The following ELF5 variants were observed in gnomAD, a reference collection of about 807,000 sequenced individuals.
ELF5 encodes the protein ETS-related transcription factor Elf-5.
ELF5 carries 31 observed loss-of-function variants against 38.2 expected under a neutral mutation model. The ratio of observed to expected loss-of-function variants is 0.81; its 90% CI spans 0.61 to 1.10. ELF5 has a LOEUF of 1.10. Among genes scored for constraint, ELF5 ranks in the 50% least tolerant of loss-of-function variants. The pLI is 0.00. For missense variants in ELF5, 300 were observed against 306.6 expected, an observed-to-expected ratio of 0.98 and a Z score of 0.16; for synonymous variants, 121 against 112.5, an observed-to-expected ratio of 1.08 and a Z score of -0.48.
chr11:34,504,455 T>A (rs1358259551), intron 2 of ELF5, among the ~76,000 whole-genome samples: 2 of 151,812 alleles, frequency 1.3e-5, no homozygotes, highest in Non-Finnish European at 2.9e-5. Flanking sequence ...TGGGGGCAGG[T>A]GTGGGATTGC....
intron 3 of ELF5, among the ~76,000 whole-genome samples, chr11:34,491,355 A>C (rs1012827920): frequency 6.6e-6 from 1 of 152,176 alleles, no homozygotes; most frequent in Non-Finnish European, 1.5e-5. Flanking sequence ...GAGGAATTTC[A>C]GAATGGAGTA....
chr11:34,493,843 G>C, intron 2 of ELF5, 131 bp from the exon 3 acceptor site: 2 of 725,976 alleles, frequency 2.8e-6, no homozygotes, highest in South Asian at 3.6e-5. Flanking sequence ...CCAGCCCTGG[G>C]TGTTCTGCAG....
rs774654191 is a variant in ELF5, at chr11:34,493,632, C to T, written c.202G>A (p.Asp68Asn). 1.4e-5 allele frequency: 22 copies of T among 1,614,012 alleles called. No individual in the cohort carries two copies. The highest frequency in any genetic ancestry group is 8.8e-5 in the South Asian group (8 of 91,066). Reference sequence around the variant, plus strand: ...CAATTGGTGTCCAACTTGTACTGGTCGCAGCAGAACTGGAGCCACTCCCAC... The same window carrying T: ...CAATTGGTGTCCAACTTGTACTGGTTGCAGCAGAACTGGAGCCACTCCCAC... ...HVWEWLQFCC[D>N]QYKLDTNCIS... The change falls in exon 3 of 7, where the codon GAC becomes AAC. Residue 68 changes from aspartate to asparagine, a missense_variant. Asp to Asn is a conservative substitution (Grantham distance 23). Coordinates refer to ENST00000257832, the MANE Select transcript of ELF5 (RefSeq NM_001422.4).
chr11:34,480,752 AT>A lies in ELF5; in HGVS notation c.671+19del. The A allele has an allele frequency of 6.2e-7, 1 of 1,611,812 alleles. No homozygotes were observed. Among genetic ancestry groups the A allele is most frequent in the Non-Finnish European group, 8.5e-7 (1 of 1,178,958 alleles). ...ATAACTCTTCTTGAAGGCTCATAGTATTTTATGCTATTAACTTACCTCAGGG... is the reference window on the plus strand; with the variant it reads ...ATAACTCTTCTTGAAGGCTCATAGTATTTATGCTATTAACTTACCTCAGGG... On this transcript the variant is annotated intron_variant, in intron 6 of 6. Coordinates refer to ENST00000257832, the MANE Select transcript of ELF5 (RefSeq NM_001422.4).
chr11:34,494,191 A>G (rs1850258049), intron 2 of ELF5, among the ~76,000 whole-genome samples: 1 of 152,038 alleles, frequency 6.6e-6, no homozygotes, highest in Non-Finnish European at 1.5e-5. Flanking sequence ...ACTATTATGG[A>G]GTTTGGGGTT....
chr11:34,490,150 G>A (rs1850127596), intron 3 of ELF5, 91 bp from the exon 4 acceptor site: 4 of 1,376,194 alleles, frequency 2.9e-6, no homozygotes, highest in African/African-American at 2.8e-5. Context: ...GGGAAGTGGA[G>A]TGACTGTCCC....
At chr11:34,502,055 C>T (rs902578681) in intron 2 of ELF5, among the ~76,000 whole-genome samples, 20 of 152,112 alleles carry the variant, frequency 1.3e-4, no homozygotes, top group Admixed American at 6.5e-4. Flanking sequence ...GGCTGTTTTT[C>T]CACCCAACAG....
intron 4 of ELF5, among the ~76,000 whole-genome samples, chr11:34,487,961 C>T (rs1320401578): frequency 6.6e-6 from 1 of 152,142 alleles, no homozygotes; most frequent in African/African-American, 2.4e-5. Flanking sequence ...GATTGTTCCA[C>T]CTCGTGACCT....
At chr11:34,503,352 G>T (rs1347396529) in intron 2 of ELF5, among the ~76,000 whole-genome samples, 1 of 151,544 alleles carries the variant, frequency 6.6e-6, no homozygotes, top group Non-Finnish European at 1.5e-5. Context: ...TAGAGACGGG[G>T]TTTCTCCATG....
At position 34,490,051 on chromosome 11, in the gene ELF5, A is replaced by G. The variant is rs773219474; in HGVS notation, c.364T>C (p.Phe122Leu). The G allele has an allele frequency of 2.5e-6, 4 of 1,613,998 alleles. No individual in the cohort carries two copies. The Admixed American group carries it at 6.7e-5, about 27-fold the overall frequency. Residue 122 changes from phenylalanine to leucine, a missense_variant, in exon 4 of 7, where the codon TTT (phenylalanine) becomes CTT (leucine). Physicochemically the swap from Phe to Leu is conservative, Grantham distance 22 (BLOSUM62 0). Coordinates refer to ENST00000257832, the MANE Select transcript of ELF5 (RefSeq NM_001422.4). The part of the protein sequence containing the change: ...LQNIRTQGYS[F>L]FNDAEESKAT... The stretch of plus-strand genomic sequence containing the variant: ...TTGCTTTCTTCAGCGTCATTAAAAA[A>G]GGAGTAACCTGGGAAAGAAAAAGAA...
chr11:34,511,402 C>A (rs1347272686), intron 1 of ELF5: 7 of 1,146,686 alleles, frequency 6.1e-6, no homozygotes, highest in Non-Finnish European at 8.8e-6. Flanking sequence ...ACCGATAGAT[C>A]CGTGGAAGCT....
chr11:34,509,632 G>A (rs2133905713), intron 1 of ELF5, among the ~76,000 whole-genome samples: 1 of 151,458 alleles, frequency 6.6e-6, no homozygotes, highest in African/African-American at 2.4e-5. Context: ...CAGGGAGGGG[G>A]TAGGATGCTG....
At chr11:34,513,297 G>C (rs912019717) in intron 1 of ELF5, among the ~76,000 whole-genome samples, 1 of 152,242 alleles carries the variant, frequency 6.6e-6, no homozygotes, top group African/African-American at 2.4e-5. Flanking sequence ...AGGGGAGAAG[G>C]GTAGGTGGGG....
intron 4 of ELF5, among the ~76,000 whole-genome samples, chr11:34,485,964 G>A (rs1464650478): frequency 6.6e-6 from 1 of 152,120 alleles, no homozygotes; most frequent in African/African-American, 2.4e-5. Context: ...CAGCTGGTGG[G>A]GGATGAGGGG....
chr11:34,493,407 A>G, intron 3 of ELF5, 72 bp downstream of exon 3: 1 of 1,428,710 alleles, frequency 7.0e-7, no homozygotes, highest in South Asian at 1.2e-5. Context: ...ACACGATGGG[A>G]AAGGACTTCT....
chr11:34,484,546 C>T (rs1390028704), intron 4 of ELF5, among the ~76,000 whole-genome samples: 2 of 148,530 alleles, frequency 1.3e-5, no homozygotes, highest in Non-Finnish European at 3.0e-5. Flanking sequence ...TACAACTATC[C>T]CTGCTGCATC....
intron 2 of ELF5, among the ~76,000 whole-genome samples, chr11:34,499,883 G>C (rs1378327102): frequency 4.6e-5 from 7 of 152,184 alleles, no homozygotes; most frequent in Non-Finnish European, 8.8e-5. Flanking sequence ...CAATGGATTA[G>C]CTGTGCAACT....
At chr11:34,482,333 C>T in intron 5 of ELF5, 98 bp downstream of exon 5, 1 of 1,140,502 alleles carries the variant, frequency 8.8e-7, no homozygotes, top group East Asian at 2.5e-5. Context: ...GTAACTGGTC[C>T]AACTCAAACA....
At chr11:34,510,029 G>A (rs1379772688) in intron 1 of ELF5, among the ~76,000 whole-genome samples, 4 of 152,090 alleles carry the variant, frequency 2.6e-5, no homozygotes, top group Non-Finnish European at 4.4e-5. Context: ...AAATTGAATG[G>A]CATTATATAA....
Sources: allele counts gnomAD v4.1 joint callset (sites outside exome capture counted in the v4.1 genomes callset), GRCh38; gene constraint gnomAD v4.1.1; transcripts MANE v1.5; gene names NCBI Gene and HGNC (gene_info 2026-07-23, HGNC 2026-07-21).